The following CHCHD3 variants were observed in gnomAD, a reference collection of about 807,000 sequenced individuals.
CHCHD3 encodes coiled-coil-helix-coiled-coil-helix domain containing 3.
Under a neutral mutation model 38.2 loss-of-function variants are expected in CHCHD3, and 20 were observed. The observed-to-expected ratio is 0.52, with a 90% CI of 0.37 to 0.76. The LOEUF (loss-of-function observed/expected upper bound fraction) is 0.76, where lower values mean the gene tolerates loss of function less well. CHCHD3 is among the 30% of genes least tolerant of loss of function. The probability of loss-of-function intolerance (pLI) is 0.00; values close to 1 mark genes in which losing one functional copy is unlikely to be tolerated. For synonymous variants in CHCHD3, 82 were observed against 100.0 expected (o/e 0.82, Z 1.07); for missense variants, 245 against 279.2 (o/e 0.88, Z 0.87).
intron 2 of CHCHD3, among the ~76,000 whole-genome samples, chr7:133,041,935 TA>T (rs1813846289): frequency 1.3e-5 from 2 of 152,338 alleles, no homozygotes; most frequent in East Asian, 3.9e-4. Context: ...GACTATCAGC[TA>T]AAAAATAAAC....
chr7:132,990,839 T>G (rs1333234917), intron 3 of CHCHD3, among the ~76,000 whole-genome samples: 1 of 151,958 alleles, frequency 6.6e-6, no homozygotes, highest in Non-Finnish European at 1.5e-5. Flanking sequence ...CAAAAGACCT[T>G]CCAACTTGAA....
chr7:132,938,914 C>G (rs112230195), intron 4 of CHCHD3, among the ~76,000 whole-genome samples: 2 of 152,276 alleles, frequency 1.3e-5, no homozygotes, highest in African/African-American at 2.4e-5. Context: ...CACTTGGTAG[C>G]AGCAGGTAGT....
intron 1 of CHCHD3, among the ~76,000 whole-genome samples, chr7:133,075,903 T>A (rs577407928): frequency 6.6e-6 from 1 of 151,572 alleles, no homozygotes; most frequent in African/African-American, 2.4e-5. Flanking sequence ...ACTAAAAATA[T>A]AAAAAATTAG....
intron 1 of CHCHD3, among the ~76,000 whole-genome samples, chr7:133,073,441 G>T (rs5026618): frequency 0.97 from 146,982 of 152,200 alleles, 71,197 homozygotes; most frequent in Middle Eastern, 1. Flanking sequence ...CCACACTGAA[G>T]TGCCTAATGA....
chr7:133,027,401 GAGAA>G (rs1045214065), intron 2 of CHCHD3, among the ~76,000 whole-genome samples: 2 of 120,410 alleles, frequency 1.7e-5, no homozygotes, highest in African/African-American at 3.1e-5. Context: ...GAGAGAGAGG[GAGAA>G]AGAAAGAAAT....
intron 1 of CHCHD3, among the ~76,000 whole-genome samples, chr7:133,075,867 G>A (rs1814974279): frequency 6.6e-6 from 1 of 151,976 alleles, no homozygotes; most frequent in Non-Finnish European, 1.5e-5. Flanking sequence ...AGGCCATCCT[G>A]GCTAACACGG....
At chr7:132,885,792 C>G (rs756435027) in intron 4 of CHCHD3, 47 bp from the exon 5 acceptor site, 1 of 1,372,044 alleles carries the variant, frequency 7.3e-7, no homozygotes, top group South Asian at 1.4e-5. Context: ...AAAGCAGCAA[C>G]AGCAAAGCAA....
At chr7:132,820,611 G>GTT (rs748470167) in intron 6 of CHCHD3, among the ~76,000 whole-genome samples, 1,656 of 96,008 alleles carry the variant, frequency 0.017, 28 homozygotes, top group Middle Eastern at 0.056. Context: ...ATGTGCTAGT[G>GTT]TTTTTTTTTT....
At chr7:132,820,611 G>GTTTTTTTTTTTTTTTTTTTTTTTTTTTT (rs748470167) in intron 6 of CHCHD3, among the ~76,000 whole-genome samples, 13 of 96,190 alleles carry the variant, frequency 1.4e-4, no homozygotes, top group Non-Finnish European at 1.8e-4. Flanking sequence ...ATGTGCTAGT[G>GTTTTTTTTTTTTTTTTTTTTTTTTTTTT]TTTTTTTTTT....
At chr7:133,042,378 A>T (rs1813857282) in intron 2 of CHCHD3, among the ~76,000 whole-genome samples, 1 of 152,186 alleles carries the variant, frequency 6.6e-6, no homozygotes, top group South Asian at 2.1e-4. Context: ...CCAAGGCTTA[A>T]CACCAAGAGA....
At position 132,975,172 on chromosome 7, in the gene CHCHD3, G is replaced by T. The variant is rs779519924; in HGVS notation, c.366C>A (p.His122Gln). The stretch of plus-strand genomic sequence containing the variant: ...CTCCTACATTTTTAATACTCACCAG[G>T]TGCTTTGCCTTAGCGCGTTCCTCCT... ...CSEEERAKAK[H>Q]LARQLEEKDR... is the part of the protein sequence containing the mutation. The change falls in exon 4 of 8, where the codon CAC (histidine) becomes CAA (glutamine). Residue 122 changes from histidine to glutamine, a missense_variant. Coordinates refer to ENST00000262570, the MANE Select transcript of CHCHD3 (RefSeq NM_017812.4). 1 of 1,610,732 alleles carries T rather than the reference G, an allele frequency of 6.2e-7. No homozygotes were observed. Among genetic ancestry groups the T allele is most frequent in the Admixed American group, 1.7e-5 (1 of 59,996 alleles).
chr7:133,029,463 A>T (rs1478456728), intron 2 of CHCHD3, among the ~76,000 whole-genome samples: 3 of 152,184 alleles, frequency 2.0e-5, no homozygotes, highest in Admixed American at 2.0e-4. Context: ...ACTTTTTTAG[A>T]TTCCACATAT....
chr7:133,016,678 G>A (rs562882371), intron 3 of CHCHD3, among the ~76,000 whole-genome samples: 3 of 152,262 alleles, frequency 2.0e-5, no homozygotes, highest in Admixed American at 6.5e-5. Context: ...TTTTTAGCTC[G>A]AGGCTATATT....
chr7:132,832,659 T>C (rs549642127), intron 6 of CHCHD3, among the ~76,000 whole-genome samples: 2 of 152,344 alleles, frequency 1.3e-5, no homozygotes, highest in South Asian at 2.1e-4. Context: ...ATTTAACATG[T>C]CTTTGATATT....
At chr7:133,070,339 C>A in intron 1 of CHCHD3, 110 bp from the exon 2 acceptor site, 1 of 782,340 alleles carries the variant, frequency 1.3e-6, no homozygotes, top group South Asian at 1.9e-5. Context: ...TGACGAATGC[C>A]CTAAAGAAAT....
chr7:132,905,053 C>A (rs981422818), intron 4 of CHCHD3, among the ~76,000 whole-genome samples: 2 of 139,636 alleles, frequency 1.4e-5, no homozygotes, highest in Non-Finnish European at 3.0e-5. Context: ...AATGAGAACA[C>A]TTTGACGCAA....
intron 2 of CHCHD3, among the ~76,000 whole-genome samples, chr7:133,046,070 A>C (rs1813974559): frequency 6.6e-6 from 1 of 152,066 alleles, no homozygotes; most frequent in African/African-American, 2.4e-5. Context: ...CCTGAATCTT[A>C]CTTTTTTTAG....
At chr7:132,808,426 A>AC (rs1327503673) in intron 6 of CHCHD3, among the ~76,000 whole-genome samples, 3 of 152,142 alleles carry the variant, frequency 2.0e-5, no homozygotes, top group Admixed American at 1.3e-4. Context: ...AGGTACTCCT[A>AC]CGACTCTGTT....
In CHCHD3 at chr7:132,966,811, G is replaced by A. The variant is rs111982215; in HGVS notation, c.369+8358C>T. Among the ~76,000 whole-genome samples, 138 of 152,296 alleles carry A rather than the reference G, an allele frequency of 9.1e-4. No homozygotes were observed. The Middle Eastern group carries it at 0.031, about 34-fold the overall frequency. ...GGGATTGTTAAGGACTGACAGACTTGATTATGCTTAACTTTTAATTTGTTG... is the reference window on the plus strand; with the variant it reads ...GGGATTGTTAAGGACTGACAGACTTAATTATGCTTAACTTTTAATTTGTTG... On this transcript the variant is annotated intron_variant, in intron 4 of 7. Coordinates refer to ENST00000262570, the MANE Select transcript of CHCHD3 (RefSeq NM_017812.4).
Sources: allele counts gnomAD v4.1 joint callset (sites outside exome capture counted in the v4.1 genomes callset), GRCh38; gene constraint gnomAD v4.1.1; transcripts MANE v1.5; gene names NCBI Gene and HGNC (gene_info 2026-07-23, HGNC 2026-07-21).